The following NELL2 variants were observed in gnomAD, a reference collection of about 807,000 sequenced individuals.
NELL2 encodes protein kinase C-binding protein NELL2.
Under a neutral mutation model 109.6 loss-of-function variants are expected in NELL2, and 41 were observed. That is an observed-to-expected ratio of 0.37 (90% CI 0.29 to 0.49). The LOEUF is 0.49. Among genes scored for constraint, NELL2 ranks in the 20% least tolerant of loss-of-function variants. The probability of loss-of-function intolerance (pLI) is 0.98; values close to 1 mark genes in which losing one functional copy is unlikely to be tolerated. For synonymous variants in NELL2, 355 were observed against 344.7 expected (o/e 1.03, Z -0.33); for missense variants, 900 against 1,008.3 (o/e 0.89, Z 1.45).
chr12:44,890,739 TA>T (rs1204457006), intron 1 of NELL2, among the ~76,000 whole-genome samples: 2 of 151,076 alleles, frequency 1.3e-5, no homozygotes, highest in Non-Finnish European at 3.0e-5. Context: ...TATTTTATTT[TA>T]TTTTTTTTGA....
intron 9 of NELL2, among the ~76,000 whole-genome samples, chr12:44,735,584 T>C (rs1049902231): frequency 1.3e-5 from 2 of 152,204 alleles, no homozygotes; most frequent in Non-Finnish European, 2.9e-5. Flanking sequence ...GGTTCTTCGC[T>C]TTTGTTTCTG....
At chr12:44,596,207 T>C (rs1298659905) in intron 15 of NELL2, among the ~76,000 whole-genome samples, 1 of 152,230 alleles carries the variant, frequency 6.6e-6, no homozygotes, top group African/African-American at 2.4e-5. Flanking sequence ...TGTTGTGCTG[T>C]TCACACACAA....
At chr12:44,619,856 A>G (rs1592218572) in intron 13 of NELL2, among the ~76,000 whole-genome samples, 1 of 152,132 alleles carries the variant, frequency 6.6e-6, no homozygotes, top group Non-Finnish European at 1.5e-5. Context: ...TTCACTTTAC[A>G]CATCCAAGCC....
chr12:44,608,776 T>C (rs1248394400), intron 14 of NELL2, among the ~76,000 whole-genome samples: 1 of 151,618 alleles, frequency 6.6e-6, no homozygotes, highest in Non-Finnish European at 1.5e-5. Context: ...CTTCAGGTGA[T>C]TTGGGGGAAG....
At chr12:44,850,917 G>C (rs923842750) in intron 2 of NELL2, among the ~76,000 whole-genome samples, 1 of 152,118 alleles carries the variant, frequency 6.6e-6, no homozygotes, top group African/African-American at 2.4e-5. Flanking sequence ...GGAGGAGAGT[G>C]GTGGTTCCAG....
intron 15 of NELL2, among the ~76,000 whole-genome samples, chr12:44,580,531 A>G (rs919967576): frequency 6.6e-6 from 1 of 152,148 alleles, no homozygotes; most frequent in Non-Finnish European, 1.5e-5. Context: ...AGCCTGGGCA[A>G]CATGGAGAAA....
intron 11 of NELL2, among the ~76,000 whole-genome samples, chr12:44,704,333 C>A (rs1041499587): frequency 7.7e-6 from 1 of 129,742 alleles, no homozygotes; most frequent in African/African-American, 2.6e-5. Flanking sequence ...AAAACAAAAC[C>A]TTTCTAAATG....
intron 16 of NELL2, among the ~76,000 whole-genome samples, chr12:44,530,454 C>T (rs1370162694): frequency 6.6e-6 from 1 of 152,170 alleles, no homozygotes; most frequent in African/African-American, 2.4e-5. Flanking sequence ...GTGCTGATGG[C>T]CCTTGCAGTA....
chr12:44,597,230 A>G (rs1945000840), intron 15 of NELL2, among the ~76,000 whole-genome samples: 2 of 152,164 alleles, frequency 1.3e-5, no homozygotes, highest in South Asian at 2.1e-4. Context: ...CTCTTCATGT[A>G]TTTAAGGATA....
At chr12:44,564,815 G>C (rs377041370) in intron 15 of NELL2, among the ~76,000 whole-genome samples, 1 of 152,128 alleles carries the variant, frequency 6.6e-6, no homozygotes, top group East Asian at 1.9e-4. Context: ...ACTACACGAA[G>C]ACAGCCTGCA....
In NELL2 at chr12:44,834,029, G is replaced by C. The variant is rs533192130; in HGVS notation, c.185-17893C>G. On this transcript the variant is annotated intron_variant, in intron 2 of 19. Coordinates refer to ENST00000429094, the MANE Select transcript of NELL2 (RefSeq NM_001145108.2). ...TTCACTTCCATAAAATTTTCTTTCT[G>C]GCATTTGGATGATAATATGGGCATT... 4.6e-5 allele frequency among the ~76,000 whole-genome samples: 7 copies of C among 152,148 alleles called. No homozygotes were observed. In the East Asian group the frequency reaches 1.4e-3, roughly 29 times the overall value.
intron 12 of NELL2, among the ~76,000 whole-genome samples, chr12:44,676,471 T>C (rs1948322821): frequency 6.6e-6 from 1 of 152,158 alleles, no homozygotes; most frequent in South Asian, 2.1e-4. Context: ...TGAGTTTGTT[T>C]ACCATATATT....
At chr12:44,765,841 T>C (rs949355064) in intron 9 of NELL2, among the ~76,000 whole-genome samples, 3 of 152,058 alleles carry the variant, frequency 2.0e-5, no homozygotes, top group Non-Finnish European at 4.4e-5. Flanking sequence ...TGAGTCTGAA[T>C]TGGCAGGATG....
intron 13 of NELL2, among the ~76,000 whole-genome samples, chr12:44,634,437 C>T (rs1946564544): frequency 6.7e-6 from 1 of 149,404 alleles, no homozygotes. Flanking sequence ...GTTTTCTGTT[C>T]CTGTGTTAGT....
chr12:44,883,680 A>T lies in NELL2; in HGVS notation c.39-7780T>A, dbSNP rs111652662. ...TACATAAGACAAACACAACATAAAGATATGAGAATAAAGGGACCGATATAA... is the reference window on the plus strand; with the variant it reads ...TACATAAGACAAACACAACATAAAGTTATGAGAATAAAGGGACCGATATAA... On this transcript the variant is annotated intron_variant, in intron 1 of 20. Coordinates refer to the NELL2 transcript ENST00000333837. Among the ~76,000 whole-genome samples the T allele has an allele frequency of 8.1e-3, 1,236 of 152,146 alleles. 26 individuals carry two copies. Among genetic ancestry groups the T allele is most frequent in the African/African-American group, 0.028 (1,156 of 41,390 alleles).
At chr12:44,818,235 T>C (rs1373975562) in intron 2 of NELL2, among the ~76,000 whole-genome samples, 3 of 152,268 alleles carry the variant, frequency 2.0e-5, no homozygotes, top group African/African-American at 4.8e-5. Flanking sequence ...TGATTTCATC[T>C]AGTGTTAACT....
At chr12:44,596,807 C>T (rs530781512) in intron 15 of NELL2, among the ~76,000 whole-genome samples, 11 of 152,166 alleles carry the variant, frequency 7.2e-5, no homozygotes, top group Non-Finnish European at 1.6e-4. Context: ...TGCCCTATTC[C>T]ACATAGAGAA....
chr12:44,812,915 T>C (rs4768575), intron 3 of NELL2, among the ~76,000 whole-genome samples: 65,778 of 151,984 alleles, frequency 0.43, 15,100 homozygotes, highest in African/African-American at 0.58. Context: ...ATCACACTGA[T>C]GGAAAAGCCT....
At chr12:44,690,804 TAA>T in intron 12 of NELL2, among the ~76,000 whole-genome samples, 1 of 152,276 alleles carries the variant, frequency 6.6e-6, no homozygotes, top group East Asian at 1.9e-4. Context: ...GAATGCTGAA[TAA>T]AGAGTCTCTA....
Sources: allele counts gnomAD v4.1 joint callset (sites outside exome capture counted in the v4.1 genomes callset), GRCh38; gene constraint gnomAD v4.1.1; transcripts MANE v1.5; gene names NCBI Gene and HGNC (gene_info 2026-07-23, HGNC 2026-07-21).